WDFY4: variants seen among roughly 807,000 people sequenced by gnomAD.
WDFY4 encodes the protein WD repeat- and FYVE domain-containing protein 4.
WDFY4 carries 169 observed loss-of-function variants against 351.9 expected under a neutral mutation model. The observed-to-expected ratio is 0.48, with a 90% CI of 0.42 to 0.55. The LOEUF is 0.55. Among genes scored for constraint, WDFY4 ranks in the 20% least tolerant of loss-of-function variants. The pLI is 0.00. For missense variants in WDFY4, 3,803 were observed against 3,935.6 expected (o/e 0.97, Z 0.90); for synonymous variants, 1,622 against 1,574.6 (o/e 1.03, Z -0.71).
intron 20 of WDFY4, among the ~76,000 whole-genome samples, chr10:48,787,959 T>TCTTCTTCTTCTTCTTCTTCTC (rs2066532657): frequency 1.1e-5 from 1 of 94,118 alleles, no homozygotes; most frequent in Non-Finnish European, 2.2e-5. Context: ...TTCTTCTTCT[T>TCTTCTTCTTCTTCTTCTTCTC]CTTCTTCTTC....
In WDFY4 at chr10:48,832,688, G is replaced by A. The variant is rs1159794784; in HGVS notation, c.6642G>A (p.Lys2214=). The stretch of plus-strand genomic sequence containing the variant: ...AGCTGATGCCCGGGCGGCAGGCCAA[G>A]GACCCTGAGTGCAAGACAGAGGTGA... ...AMKLMPGRQA[K]DPECKTEDFV... is the part of the protein sequence containing the mutation. The change falls in exon 39 of 62, where the codon AAG becomes AAA. Residue 2214 remains lysine, a synonymous_variant. Transcript: ENST00000325239. 3.2e-6 allele frequency: 5 copies of A among 1,549,182 alleles called. No individual in the cohort carries two copies. Among genetic ancestry groups the A allele is most frequent in the Non-Finnish European group, 4.4e-6 (5 of 1,145,638 alleles).
At chr10:48,834,506 G>C (rs978457864) in intron 39 of WDFY4, among the ~76,000 whole-genome samples, 1 of 152,216 alleles carries the variant, frequency 6.6e-6, no homozygotes, top group African/African-American at 2.4e-5. Context: ...TGGCCTTCTA[G>C]CTCTCTCTGC....
chr10:48,690,568 G>C (rs1052303623), intron 1 of WDFY4, among the ~76,000 whole-genome samples: 1 of 152,160 alleles, frequency 6.6e-6, no homozygotes, highest in Non-Finnish European at 1.5e-5. Context: ...CTCTCTATAG[G>C]CAGGTTGTCC....
chr10:48,755,270 G>A (rs190057778), intron 12 of WDFY4, among the ~76,000 whole-genome samples: 1 of 152,248 alleles, frequency 6.6e-6, no homozygotes, highest in Admixed American at 6.5e-5. Flanking sequence ...TTCTGTTGCT[G>A]AGTAGTTTTC....
intron 47 of WDFY4, chr10:48,913,853 G>C: frequency 1.2e-6 from 2 of 1,614,146 alleles, no homozygotes; most frequent in Non-Finnish European, 1.7e-6. Context: ...TGCTGACGTT[G>C]AGGTAGAGCA....
Position 48,708,030 on chromosome 10 carries a change from C to T in WDFY4, c.-17-1686C>T, listed in dbSNP as rs150783950. ...AAGTTTGCTTCAACAATATTATGAT[C>T]GTGTTCTTACTAAACTATATATTCA... On this transcript the variant is annotated intron_variant, in intron 1 of 61. Coordinates refer to ENST00000325239, the MANE Select transcript of WDFY4 (RefSeq NM_001394531.1). Among the ~76,000 whole-genome samples, 19 of 152,218 alleles carry T rather than the reference C, an allele frequency of 1.2e-4. No homozygotes were observed. The East Asian group carries it at 3.5e-3, about 28-fold the overall frequency.
chr10:48,914,715 T>A (rs1007216873), intron 47 of WDFY4, among the ~76,000 whole-genome samples: 14 of 152,116 alleles, frequency 9.2e-5, no homozygotes, highest in Admixed American at 2.0e-4. Flanking sequence ...ACTTCTCACA[T>A]CCCTCTTCCC....
intron 13 of WDFY4, among the ~76,000 whole-genome samples, chr10:48,761,554 G>A (rs776393187): frequency 6.6e-6 from 1 of 152,192 alleles, no homozygotes; most frequent in Admixed American, 6.5e-5. Flanking sequence ...GGAGGCTACA[G>A]GTAATGGAGA....
At chr10:48,687,444 CAT>C (rs1329724858) in intron 1 of WDFY4, among the ~76,000 whole-genome samples, 1 of 151,830 alleles carries the variant, frequency 6.6e-6, no homozygotes, top group Non-Finnish European at 1.5e-5. Context: ...AAATTATTCT[CAT>C]ATTATTTTCA....
intron 10 of WDFY4, among the ~76,000 whole-genome samples, chr10:48,734,399 A>G (rs2064574085): frequency 1.3e-5 from 2 of 152,116 alleles, no homozygotes; most frequent in Admixed American, 1.3e-4. Flanking sequence ...AAATCTAGCC[A>G]TTTTAAAGAA....
intron 13 of WDFY4, among the ~76,000 whole-genome samples, chr10:48,768,728 A>G (rs1432568756): frequency 1.1e-5 from 1 of 90,542 alleles, no homozygotes; most frequent in East Asian, 2.0e-4. Context: ...AGGAGAAGAG[A>G]GAGAGAGAGA....
chr10:48,902,344 C>A (rs909195138), intron 47 of WDFY4, among the ~76,000 whole-genome samples: 1 of 152,178 alleles, frequency 6.6e-6, no homozygotes, highest in Non-Finnish European at 1.5e-5. Context: ...CTTGCAGTCC[C>A]CCCCGCCGCC....
At chr10:48,691,116 TG>T (rs2063182167) in intron 1 of WDFY4, among the ~76,000 whole-genome samples, 2 of 152,142 alleles carry the variant, frequency 1.3e-5, no homozygotes, top group South Asian at 2.1e-4. Context: ...TGATCCTCAC[TG>T]GGTCCAGGCC....
intron 57 of WDFY4, among the ~76,000 whole-genome samples, chr10:48,974,648 C>G (rs1376383456): frequency 2.6e-5 from 4 of 151,996 alleles, no homozygotes; most frequent in Non-Finnish European, 5.9e-5. Context: ...CCCAGCAGAG[C>G]CTCCACCCCT....
In WDFY4 at chr10:48,822,453, G is replaced by A; in HGVS notation, c.5898G>A (p.Gln1966=). ...PSLANISCFT[Q]KLVEKLYSGM... is the part of the protein sequence containing the mutation. ...TTGCCAACATCTCCTGCTTCACCCA[G>A]AAGCTGGTGGAGAAGCTGTACAGTG... Residue 1966 remains glutamine, a synonymous_variant, in exon 35 of 62, where the codon CAG becomes CAA. Transcript: ENST00000325239. 1.3e-6 allele frequency: 2 copies of A among 1,551,482 alleles called. No individual in the cohort carries two copies. The highest frequency in any genetic ancestry group is 1.7e-6 in the Non-Finnish European group (2 of 1,146,732).
intron 51 of WDFY4, among the ~76,000 whole-genome samples, chr10:48,951,020 A>G (rs1841296670): frequency 6.6e-6 from 1 of 152,164 alleles, no homozygotes; most frequent in Non-Finnish European, 1.5e-5. Flanking sequence ...TGGCCCATTT[A>G]CCCTGCACTG....
chr10:48,748,169 G>C (rs2065069798), intron 12 of WDFY4, among the ~76,000 whole-genome samples: 1 of 152,210 alleles, frequency 6.6e-6, no homozygotes, highest in Non-Finnish European at 1.5e-5. Flanking sequence ...TATTCTGCCA[G>C]CTCTCAGGGG....
intron 44 of WDFY4, among the ~76,000 whole-genome samples, chr10:48,895,650 A>G (rs1423103429): frequency 2.0e-5 from 3 of 152,256 alleles, no homozygotes; most frequent in African/African-American, 7.2e-5. Flanking sequence ...CCAGATGATG[A>G]AAAGCTTCAT....
chr10:48,828,927 C>CGGGGGGG (rs750491062), intron 37 of WDFY4, 31 bp downstream of exon 37: 1 of 63,448 alleles, frequency 1.6e-5, no homozygotes, highest in Non-Finnish European at 2.8e-5. Flanking sequence ...TGTGTGTGGG[C>CGGGGGGG]GGGGGGGGGG....
Sources: gnomAD v4.1 joint callset for allele counts (sites outside exome capture counted in the v4.1 genomes callset) on GRCh38, gnomAD v4.1.1 for gene constraint, MANE v1.5 for transcripts, NCBI Gene and HGNC (gene_info 2026-07-23, HGNC 2026-07-21) for gene names.